The following ATP13A4 variants were observed in gnomAD, a reference collection of about 807,000 sequenced individuals.
The protein encoded by ATP13A4 is ATPase 13A4, also known as probable cation-transporting ATPase 13A4.
ATP13A4 carries 114 observed loss-of-function variants against 142.5 expected under a neutral mutation model. The ratio of observed to expected loss-of-function variants is 0.80; its 90% CI spans 0.69 to 0.93. ATP13A4 has a LOEUF of 0.93. ATP13A4 is among the 40% of genes least tolerant of loss of function. The probability of loss-of-function intolerance (pLI) is 0.00; values close to 1 mark genes in which losing one functional copy is unlikely to be tolerated. For synonymous variants in ATP13A4, 488 were observed against 514.8 expected, an observed-to-expected ratio of 0.95 and a Z score of 0.70; for missense variants, 1,392 against 1,454.0, an observed-to-expected ratio of 0.96 and a Z score of 0.69.
chr3:193,505,887 T>G (rs1191909242), intron 2 of ATP13A4, among the ~76,000 whole-genome samples: 2 of 152,226 alleles, frequency 1.3e-5, no homozygotes, highest in East Asian at 3.8e-4. Flanking sequence ...ATCCCAGCTC[T>G]AAACTGTCTT....
intron 1 of ATP13A4, among the ~76,000 whole-genome samples, chr3:193,531,207 T>C (rs752398821): frequency 7.6e-5 from 11 of 145,564 alleles, no homozygotes; most frequent in Non-Finnish European, 1.2e-4. Context: ...TATTGAGACA[T>C]AGAACTTTTC....
chr3:193,520,533 T>G lies in ATP13A4; in HGVS notation c.61-5662A>C, dbSNP rs1480140686. Among the ~76,000 whole-genome samples, 3 of 152,244 alleles carry G rather than the reference T, an allele frequency of 2.0e-5. No individual in the cohort carries two copies. The East Asian group carries it at 5.8e-4, about 29-fold the overall frequency. Reference sequence around the variant, plus strand: ...AAAGGTAAGACTGAGTTTTACAAACTCTCTGTCTTCAACAGAGCCAAACCA... The same window carrying G: ...AAAGGTAAGACTGAGTTTTACAAACGCTCTGTCTTCAACAGAGCCAAACCA... On this transcript the variant is annotated intron_variant, in intron 1 of 29. Transcript: ENST00000342695.
chr3:193,414,541 T>C, intron 26 of ATP13A4, 38 bp downstream of exon 26: 7 of 1,605,960 alleles, frequency 4.4e-6, no homozygotes, highest in Non-Finnish European at 6.0e-6. Context: ...TGATAGAAAT[T>C]AGAATGTGAG....
chr3:193,489,878 T>A lies in ATP13A4; in HGVS notation c.604-14A>T, dbSNP rs1264796204. On this transcript the variant is annotated splice_polypyrimidine_tract_variant and intron_variant, in intron 6 of 29. Transcript: ENST00000342695. ...TGGATTTAGAACCTGTTGGCAGACA[T>A]AAAAACAGGAAGACAAGGGAGAGTT... The A allele has an allele frequency of 6.2e-7, 1 of 1,611,426 alleles. No individual in the cohort carries two copies. The highest frequency in any genetic ancestry group is 8.5e-7 in the Non-Finnish European group (1 of 1,178,166).
chr3:193,556,374 T>C (rs190711474), upstream of ATP13A4, among the ~76,000 whole-genome samples: 1 of 152,164 alleles, frequency 6.6e-6, no homozygotes, highest in African/African-American at 2.4e-5. Flanking sequence ...TGTGTGTGTG[T>C]GTATATGTTG....
intron 1 of ATP13A4, among the ~76,000 whole-genome samples, chr3:193,523,411 T>C (rs1721829862): frequency 6.6e-6 from 1 of 152,202 alleles, no homozygotes; most frequent in Admixed American, 6.5e-5. Flanking sequence ...GCCATATCTT[T>C]AGATCATTGG....
chr3:193,530,837 A>G (rs1002034234), intron 1 of ATP13A4, among the ~76,000 whole-genome samples: 2 of 152,200 alleles, frequency 1.3e-5, no homozygotes, highest in African/African-American at 4.8e-5. Context: ...TCTCTTTAGA[A>G]CAGCACATAA....
chr3:193,481,604 T>C (rs1194526811), intron 8 of ATP13A4, among the ~76,000 whole-genome samples: 1 of 152,142 alleles, frequency 6.6e-6, no homozygotes, highest in Non-Finnish European at 1.5e-5. Flanking sequence ...CAGATGTGAA[T>C]TTTGGCTTAC....
chr3:193,567,794 C>T (rs912838904), intron 2 of ATP13A4, among the ~76,000 whole-genome samples: 14 of 152,082 alleles, frequency 9.2e-5, no homozygotes, highest in Non-Finnish European at 7.4e-5. Flanking sequence ...CCCACCAGCC[C>T]CTGTCTCTCC....
intron 1 of ATP13A4, among the ~76,000 whole-genome samples, chr3:193,522,033 A>G (rs947079384): frequency 1.3e-5 from 2 of 152,190 alleles, no homozygotes; most frequent in African/African-American, 4.8e-5. Context: ...ATTACCCTAA[A>G]GTTAGCATTC....
Position 193,436,875 on chromosome 3 carries a change from C to T in ATP13A4, c.2673-1131G>A, listed in dbSNP as rs866890889. ...ATCCCAGCACTTTGGGAGGCCGAGG[C>T]GGGCGGATCACGAGGTCAGGAGATC... On this transcript the variant is annotated intron_variant, in intron 23 of 29. Transcript: ENST00000342695. Among the ~76,000 whole-genome samples the T allele has an allele frequency of 1.2e-3, 162 of 140,672 alleles. 14 individuals carry two copies. The highest frequency in any genetic ancestry group is 4.8e-3 in the African/African-American group (152 of 31,510). 92.3% of individuals were successfully genotyped at this position (140,672 alleles called of 152,430 possible). A position where few individuals can be genotyped will look rare whatever the true frequency, so the allele number is the denominator to read the frequency against.
chr3:193,541,785 A>C (rs1426506327), intron 1 of ATP13A4, among the ~76,000 whole-genome samples: 1 of 152,184 alleles, frequency 6.6e-6, no homozygotes, highest in African/African-American at 2.4e-5. Context: ...ATGGCCACAC[A>C]AATAAATTTA....
At position 193,474,322 on chromosome 3, in the gene ATP13A4, CAAAAAAAAA is replaced by C. The variant is rs1176133187; in HGVS notation, c.809-3338_809-3330del. ...CTGGTGACAGAGCGAGACTCCGTCT[CAAAAAAAAA>C]AAAAAAAAAAAAAAAACAAACAAAA... On this transcript the variant is annotated intron_variant, in intron 8 of 29. Transcript: ENST00000342695. Among the ~76,000 whole-genome samples the C allele has an allele frequency of 7.2e-4, 50 of 69,070 alleles. 1 individual carries two copies. Among genetic ancestry groups the C allele is most frequent in the African/African-American group, 2.4e-3 (46 of 19,476 alleles). The allele number at this position is 69,070 out of a possible 152,430, so 45.3% of individuals were successfully genotyped here.
intron 19 of ATP13A4, 119 bp from the exon 20 acceptor site, chr3:193,441,707 G>A (rs1716653783): frequency 8.1e-7 from 1 of 1,232,744 alleles, no homozygotes; most frequent in Non-Finnish European, 1.2e-6. Flanking sequence ...AAGTCACTCT[G>A]ATTCCTCAGA....
intron 2 of ATP13A4, among the ~76,000 whole-genome samples, chr3:193,503,471 C>G (rs1720673576): frequency 6.6e-6 from 1 of 152,068 alleles, no homozygotes; most frequent in African/African-American, 2.4e-5. Context: ...AACATAAAAC[C>G]CACTCAGATG....
chr3:193,409,151 A>G (rs1714646748), intron 28 of ATP13A4, among the ~76,000 whole-genome samples: 1 of 152,202 alleles, frequency 6.6e-6, no homozygotes, highest in African/African-American at 2.4e-5. Context: ...TGTGTTCCCC[A>G]TTAAAATAAT....
At chr3:193,436,302 T>C (rs1451040263) in intron 23 of ATP13A4, among the ~76,000 whole-genome samples, 1 of 152,166 alleles carries the variant, frequency 6.6e-6, no homozygotes, top group Non-Finnish European at 1.5e-5. Flanking sequence ...AGGCTGGAAA[T>C]GATGAGCATT....
intron 2 of ATP13A4, among the ~76,000 whole-genome samples, chr3:193,506,463 T>A (rs1720865451): frequency 6.6e-6 from 1 of 152,246 alleles, no homozygotes; most frequent in Admixed American, 6.5e-5. Flanking sequence ...AAAGGACCAG[T>A]GTTTGACCTG....
At chr3:193,497,911 G>T (rs1413590585) in intron 3 of ATP13A4, among the ~76,000 whole-genome samples, 5 of 152,110 alleles carry the variant, frequency 3.3e-5, no homozygotes, top group African/African-American at 1.2e-4. Context: ...TCCGAGGTTG[G>T]GGGGAATAGC....
Sources: gnomAD v4.1 joint callset for allele counts (sites outside exome capture counted in the v4.1 genomes callset) on GRCh38, gnomAD v4.1.1 for gene constraint, MANE v1.5 for transcripts, NCBI Gene and HGNC (gene_info 2026-07-23, HGNC 2026-07-21) for gene names.